AGMO: variants seen among roughly 807,000 people sequenced by gnomAD.
AGMO encodes alkylglycerol monooxygenase.
In AGMO, 75 loss-of-function variants were observed where a neutral mutation model predicts 60.2. The ratio of observed to expected loss-of-function variants is 1.25; its 90% CI spans 1.03 to 1.51. AGMO has a LOEUF of 1.51. Among genes scored for constraint, AGMO ranks in the 40% most tolerant of loss-of-function variants. The pLI is 0.00. For synonymous variants in AGMO, 261 were observed against 177.1 expected (o/e 1.47, Z -3.76); for missense variants, 763 against 525.5 (o/e 1.45, Z -4.42).
At chr7:15,396,983 C>G (rs989193767) in intron 5 of AGMO, among the ~76,000 whole-genome samples, 5 of 152,130 alleles carry the variant, frequency 3.3e-5, no homozygotes, top group Non-Finnish European at 7.4e-5. Flanking sequence ...AAACCTTTAA[C>G]TAGACATAGA....
intron 3 of AGMO, among the ~76,000 whole-genome samples, chr7:15,531,338 ATATATATT>A (rs1784336957): frequency 2.2e-5 from 2 of 92,636 alleles, no homozygotes; most frequent in South Asian, 3.2e-4. Flanking sequence ...TATATATTCT[ATATATATT>A]CTATATATAT....
At chr7:15,207,420 A>C (rs1440515432) in intron 12 of AGMO, among the ~76,000 whole-genome samples, 1 of 152,208 alleles carries the variant, frequency 6.6e-6, no homozygotes, top group Non-Finnish European at 1.5e-5. Flanking sequence ...TGACAACTCA[A>C]TAATGTGGAT....
intron 3 of AGMO, among the ~76,000 whole-genome samples, chr7:15,453,016 A>G (rs1190495075): frequency 6.6e-6 from 1 of 152,184 alleles, no homozygotes; most frequent in African/African-American, 2.4e-5. Context: ...TATTCAAAAT[A>G]GGCAACTCCA....
At chr7:15,275,280 GCTTTAGTTTCTTT>G (rs1783746993) in intron 12 of AGMO, among the ~76,000 whole-genome samples, 1 of 151,848 alleles carries the variant, frequency 6.6e-6, no homozygotes. Context: ...TTTGAATTCT[GCTTTAGTTTCTTT>G]CTTTACCCAA....
chr7:15,298,408 T>C (rs1369130747), intron 12 of AGMO, among the ~76,000 whole-genome samples: 2 of 152,112 alleles, frequency 1.3e-5, no homozygotes, highest in Non-Finnish European at 2.9e-5. Flanking sequence ...TGTGTGTTTG[T>C]TTTTGAGACA....
Position 15,484,660 on chromosome 7 carries a change from A to G in AGMO, c.410-53552T>C, listed in dbSNP as rs77134539. The stretch of plus-strand genomic sequence containing the variant: ...AAAAAACAATCTTTCACCCAATCCA[A>G]AAAAAGACACGGCAGTAAACTGAAC... On this transcript the variant is annotated intron_variant, in intron 3 of 12. Coordinates refer to ENST00000342526, the MANE Select transcript of AGMO (RefSeq NM_001004320.2). Among the ~76,000 whole-genome samples the G allele has an allele frequency of 9.7e-3, 1,484 of 152,318 alleles. 27 individuals are homozygous for G. The highest frequency in any genetic ancestry group is 0.035 in the African/African-American group (1,448 of 41,562).
chr7:15,361,733 T>G (rs1782775788), intron 12 of AGMO, among the ~76,000 whole-genome samples: 1 of 151,984 alleles, frequency 6.6e-6, no homozygotes, highest in South Asian at 2.1e-4. Flanking sequence ...CATCGAACAG[T>G]TTATGCAAAA....
At chr7:15,351,892 G>A (rs1406797821) in intron 12 of AGMO, among the ~76,000 whole-genome samples, 1 of 145,782 alleles carries the variant, frequency 6.9e-6, no homozygotes, top group Non-Finnish European at 1.5e-5. Flanking sequence ...TATGGATTAT[G>A]AATCATGTGG....
At position 15,296,603 on chromosome 7, in the gene AGMO, A is replaced by G. The variant is rs137880360; in HGVS notation, c.1263+68911T>C. Among the ~76,000 whole-genome samples, 735 of 152,282 alleles carry G rather than the reference A, an allele frequency of 4.8e-3. 5 individuals carry two copies. The highest frequency in any genetic ancestry group is 0.016 in the African/African-American group (685 of 41,548). ...ATGGTTTTTATCCTCCTTATTTAAT[A>G]GTATAAATAACATTTGTAATAATAA... On this transcript the variant is annotated intron_variant, in intron 12 of 12. Transcript: ENST00000342526.
chr7:15,271,264 G>A (rs1462909930), intron 12 of AGMO, among the ~76,000 whole-genome samples: 2 of 152,050 alleles, frequency 1.3e-5, no homozygotes, highest in Non-Finnish European at 2.9e-5. Context: ...TGGGCAGTAT[G>A]GTCATTTTAA....
intron 2 of AGMO, among the ~76,000 whole-genome samples, chr7:15,548,899 T>C (rs957095012): frequency 1.3e-5 from 2 of 151,456 alleles, no homozygotes; most frequent in African/African-American, 4.9e-5. Context: ...GGAAAAAATG[T>C]TAAGGGCAGC....
intron 2 of AGMO, among the ~76,000 whole-genome samples, chr7:15,547,180 T>C (rs75549002): frequency 0.024 from 3,699 of 152,226 alleles, 123 homozygotes; most frequent in African/African-American, 0.084. Context: ...TTTAGGACCC[T>C]TCCTTCTCAC....
rs746283379 is a variant in AGMO, at chr7:15,332,071, G to A, written c.1263+33443C>T. ...TGGAGACGAGTGAAATCATAAGATGGAAGGAGCCTAGGTACCTAACAGACC... is the reference window on the plus strand; with the variant it reads ...TGGAGACGAGTGAAATCATAAGATGAAAGGAGCCTAGGTACCTAACAGACC... On this transcript the variant is annotated intron_variant, in intron 12 of 12. Coordinates refer to ENST00000342526, the MANE Select transcript of AGMO (RefSeq NM_001004320.2). Among the ~76,000 whole-genome samples the A allele has an allele frequency of 3.4e-4, 51 of 152,186 alleles. 1 individual carries two copies. The Middle Eastern group carries it at 0.02, about 61-fold the overall frequency.
intron 12 of AGMO, among the ~76,000 whole-genome samples, chr7:15,246,160 G>A (rs114256238): frequency 3.5e-4 from 53 of 152,200 alleles, no homozygotes; most frequent in African/African-American, 1.2e-3. Flanking sequence ...TAAGTTTTAT[G>A]CCAAAGTGAT....
At chr7:15,532,914 C>G (rs940978626) in intron 3 of AGMO, among the ~76,000 whole-genome samples, 1 of 152,022 alleles carries the variant, frequency 6.6e-6, no homozygotes, top group African/African-American at 2.4e-5. Context: ...TGGCTTGAGC[C>G]CAAGAAGTGG....
At chr7:15,556,219 G>GTTTTTTTTTT (rs71004394) in intron 2 of AGMO, among the ~76,000 whole-genome samples, 4 of 91,490 alleles carry the variant, frequency 4.4e-5, no homozygotes, top group African/African-American at 1.2e-4. Flanking sequence ...CTCCTTTTTA[G>GTTTTTTTTTT]TTTTTTTTTT....
chr7:15,395,671 TATATA>T (rs1220666484), intron 5 of AGMO, among the ~76,000 whole-genome samples: 1 of 152,196 alleles, frequency 6.6e-6, no homozygotes, highest in Non-Finnish European at 1.5e-5. Context: ...ACAAAATGGA[TATATA>T]AATTTATTGT....
the AGMO span, among the ~76,000 whole-genome samples, chr7:15,187,559 A>G: frequency 6.6e-6 from 1 of 152,178 alleles, no homozygotes; most frequent in Non-Finnish European, 1.5e-5. Context: ...CCATATTTGA[A>G]AAGCAAACTT....
Position 15,277,094 on chromosome 7 carries a change from G to C in AGMO, c.1264-75735C>G, listed in dbSNP as rs58318288. 8.7e-3 allele frequency among the ~76,000 whole-genome samples: 1,324 copies of C among 151,952 alleles called. 22 individuals carry two copies. The highest frequency in any genetic ancestry group is 0.03 in the African/African-American group (1,264 of 41,444). ...AGGCCAAGGTAGGTGGATTACCCGA[G>C]ATCAGGAGTTCTAGACCAGCATGGC... On this transcript the variant is annotated intron_variant, in intron 12 of 12. Coordinates refer to ENST00000342526, the MANE Select transcript of AGMO (RefSeq NM_001004320.2).
Sources: gnomAD v4.1 joint callset for allele counts (sites outside exome capture counted in the v4.1 genomes callset) on GRCh38, gnomAD v4.1.1 for gene constraint, MANE v1.5 for transcripts, NCBI Gene and HGNC (gene_info 2026-07-23, HGNC 2026-07-21) for gene names.